The following AZIN2 variants were observed in gnomAD, a reference collection of about 807,000 sequenced individuals.
The protein encoded by AZIN2 is ODC antizyme inhibitor-2.
AZIN2 carries 28 observed loss-of-function variants against 47.8 expected under a neutral mutation model. That is an observed-to-expected ratio of 0.59 (90% CI 0.43 to 0.80). The LOEUF (loss-of-function observed/expected upper bound fraction) is 0.80. AZIN2 is among the 30% of genes least tolerant of loss of function. AZIN2 has a pLI of 0.00. For missense variants in AZIN2, 535 were observed against 582.5 expected (o/e 0.92, Z 0.84); for synonymous variants, 221 against 239.4 (o/e 0.92, Z 0.71).
At chr1:33,125,240 G>C (rs1459288389), downstream of AZIN2, among the ~76,000 whole-genome samples, 2 of 152,160 alleles carry the variant, frequency 1.3e-5, no homozygotes, top group Non-Finnish European at 2.9e-5. Context: ...TCATCCCTTT[G>C]CTCCATTTTA....
chr1:33,092,150 A>C lies in AZIN2; in HGVS notation c.380A>C (p.His127Pro). 6.2e-7 allele frequency: 1 copy of C among 1,614,236 alleles called. No individual in the cohort carries two copies. Among genetic ancestry groups the C allele is most frequent in the Non-Finnish European group, 8.5e-7 (1 of 1,180,034 alleles). Residue 127 changes from histidine to proline, a missense_variant, in exon 6 of 12, where the codon CAT becomes CCT. Physicochemically the swap from His to Pro is moderately conservative, Grantham distance 77 (BLOSUM62 -2). Coordinates refer to ENST00000294517, the MANE Select transcript of AZIN2 (RefSeq NM_052998.4). ...QIAQIKYAAK[H>P]GIQLLSFDNE... is the part of the protein sequence containing the mutation. ...GCACAGATCAAATATGCTGCCAAGC[A>C]TGGGATCCAGCTGCTGAGCTTTGAC...
intron 5 of AZIN2, among the ~76,000 whole-genome samples, chr1:33,084,746 C>T (rs1322629588): frequency 6.6e-6 from 1 of 152,006 alleles, no homozygotes; most frequent in Non-Finnish European, 1.5e-5. Flanking sequence ...TACAGGTGCA[C>T]ACCACCGTAC....
At chr1:33,090,807 C>G (rs1017897217) in intron 5 of AZIN2, among the ~76,000 whole-genome samples, 6 of 152,082 alleles carry the variant, frequency 3.9e-5, no homozygotes, top group Admixed American at 6.5e-5. Flanking sequence ...CTTAATTCTC[C>G]TGACTAAAAC....
chr1:33,157,429 G>A, the AZIN2 span, among the ~76,000 whole-genome samples: 13 of 151,810 alleles, frequency 8.6e-5, no homozygotes, highest in Non-Finnish European at 1.5e-4. Context: ...TTCTCAGTGC[G>A]GGCTGGTTCC....
At chr1:33,141,883 A>G in the AZIN2 span, 1 of 158,346 alleles carries the variant, frequency 6.3e-6, no homozygotes, top group African/African-American at 2.4e-5. Flanking sequence ...GTTTAAAAAT[A>G]TATTCTTTTC....
intron 10 of AZIN2, among the ~76,000 whole-genome samples, chr1:33,106,176 G>A (rs1643999688): frequency 6.6e-6 from 1 of 152,040 alleles, no homozygotes; most frequent in Admixed American, 6.6e-5. Flanking sequence ...TAGGCAAAAT[G>A]GATAAATTCC....
At chr1:33,157,857 A>G in the AZIN2 span, among the ~76,000 whole-genome samples, 1 of 152,028 alleles carries the variant, frequency 6.6e-6, no homozygotes, top group Non-Finnish European at 1.5e-5. Flanking sequence ...CCTGGGTTCA[A>G]GCAATTCTCC....
chr1:33,113,116 C>A lies in AZIN2; in HGVS notation c.1030-4786C>A, dbSNP rs1262909382. Among the ~76,000 whole-genome samples the A allele has an allele frequency of 6.6e-6, 1 of 152,082 alleles. No individual in the cohort carries two copies. The highest frequency in any genetic ancestry group is 1.5e-5 in the Non-Finnish European group (1 of 68,022). On this transcript the variant is annotated intron_variant, in intron 10 of 11. Transcript: ENST00000294517. This position sits in a 1 kb window ranked among gnomAD's most constrained non-coding sequence, Gnocchi z 4.1. ...GCCTCAGCCTCCCAAATACCTGGGA[C>A]TACAGGCGCCCGCCACCATGCCTGG...
rs1644645493 is a variant in AZIN2 at position 33,118,126 on chromosome 1, C to A, written c.1244+10C>A. ...TGTCCCGGGTGGCCTGGTAAGAGGGCCCTGCTGGAAAATGGGGGTATGGGG... is the reference window on the plus strand; with the variant it reads ...TGTCCCGGGTGGCCTGGTAAGAGGGACCTGCTGGAAAATGGGGGTATGGGG... On this transcript the variant is annotated intron_variant, in intron 11 of 11. Transcript: ENST00000294517. 6.0e-6 allele frequency: 9 copies of A among 1,504,126 alleles called. No individual in the cohort carries two copies. Among genetic ancestry groups the A allele is most frequent in the Non-Finnish European group, 7.1e-6 (8 of 1,129,170 alleles). The allele number at this position is 1,504,126 out of a possible 1,614,324, so 93.2% of individuals were successfully genotyped here.
chr1:33,149,101 C>A, the AZIN2 span, among the ~76,000 whole-genome samples: 1 of 152,190 alleles, frequency 6.6e-6, no homozygotes, highest in African/African-American at 2.4e-5. Context: ...CCTTCCTGGT[C>A]ACCCAGCAGA....
At chr1:33,093,093 C>A (rs1232259962) in intron 6 of AZIN2, 189 bp from the exon 7 acceptor site, 4 of 707,650 alleles carry the variant, frequency 5.7e-6, no homozygotes, top group South Asian at 2.0e-5. Flanking sequence ...AGGAATGGGT[C>A]AGGGACATTT....
chr1:33,081,174 G>T lies in AZIN2; in HGVS notation c.-526G>T. 6.5e-6 allele frequency: 1 copy of T among 153,954 alleles called. No homozygotes were observed. The highest frequency in any genetic ancestry group is 2.0e-4 in the South Asian group (1 of 5,032). The allele number at this position is 153,954 out of a possible 1,614,324, so 9.5% of individuals were successfully genotyped here. A position where few individuals can be genotyped will look rare whatever the true frequency, so the allele number is the denominator to read the frequency against. On this transcript the variant is annotated 5_prime_UTR_variant, in exon 1 of 12. Coordinates refer to ENST00000294517, the MANE Select transcript of AZIN2 (RefSeq NM_052998.4). The surrounding 1 kb of genome is among the most constrained non-coding windows in gnomAD (Gnocchi z 4.2). ...CGGGGCGTGGGGGTCTGTGGCTGCT[G>T]GGCTGGCGGGGCGCAGGCCGCGGGA...
the AZIN2 span, chr1:33,162,968 A>G: frequency 5.3e-5 from 8 of 152,150 alleles, no homozygotes; most frequent in Non-Finnish European, 1.2e-4. Flanking sequence ...CTCACTGATA[A>G]GATTGAGATA....
Position 33,120,268 on chromosome 1 carries a change from C to CT in AZIN2, c.*88dup. 1 of 1,525,190 alleles carries CT rather than the reference C, an allele frequency of 6.6e-7. No individual in the cohort carries two copies. Among genetic ancestry groups the CT allele is most frequent in the Non-Finnish European group, 8.8e-7 (1 of 1,134,326 alleles). 94.5% of individuals were successfully genotyped at this position (1,525,190 alleles called of 1,614,324 possible). On this transcript the variant is annotated 3_prime_UTR_variant, in exon 12 of 12. Coordinates refer to ENST00000294517, the MANE Select transcript of AZIN2 (RefSeq NM_052998.4). ...GGGGAAGATGGCAGGCAAGGGTACC[C>CT]TTGGCCAGGACTCTGGTGCCCACCC... is the stretch of plus-strand genomic sequence containing the variant.
chr1:33,142,535 T>C, the AZIN2 span: 1 of 152,016 alleles, frequency 6.6e-6, no homozygotes, highest in Non-Finnish European at 1.5e-5. Flanking sequence ...CCTTCCCCAA[T>C]AGAGATGGGG....
chr1:33,108,686 T>G (rs1048483498), intron 10 of AZIN2, among the ~76,000 whole-genome samples: 3 of 152,164 alleles, frequency 2.0e-5, no homozygotes, highest in Non-Finnish European at 4.4e-5. Context: ...TTTCCTTCAT[T>G]CCTTTCATGG....
chr1:33,084,298 GC>G (rs1399866044), intron 5 of AZIN2, among the ~76,000 whole-genome samples, 171 bp downstream of exon 5: 1 of 152,204 alleles, frequency 6.6e-6, no homozygotes, highest in Non-Finnish European at 1.5e-5. Context: ...GGAGAAACGA[GC>G]ATGGAATTTG....
At chr1:33,114,963 G>T (rs1415093542) in intron 10 of AZIN2, among the ~76,000 whole-genome samples, 2 of 152,126 alleles carry the variant, frequency 1.3e-5, no homozygotes, top group East Asian at 1.9e-4. Context: ...TTCTTTAAAA[G>T]TTGAAGAATT....
chr1:33,141,065 G>C, the AZIN2 span, among the ~76,000 whole-genome samples: 2 of 152,156 alleles, frequency 1.3e-5, no homozygotes, highest in Non-Finnish European at 2.9e-5. Flanking sequence ...GTAAATGGCA[G>C]GGCTGAGATC....
Sources: allele counts gnomAD v4.1 joint callset (sites outside exome capture counted in the v4.1 genomes callset), GRCh38; gene constraint gnomAD v4.1.1; non-coding constraint Gnocchi (gnomAD v3.1); transcripts MANE v1.5; gene names NCBI Gene and HGNC (gene_info 2026-07-23, HGNC 2026-07-21).